The following PCDH15 variants were observed in gnomAD, a reference collection of about 807,000 sequenced individuals.
The protein encoded by PCDH15 is protocadherin-15.
PCDH15 carries 129 observed loss-of-function variants against 178.5 expected under a neutral mutation model. The observed-to-expected ratio is 0.72, with a 90% CI of 0.63 to 0.84. PCDH15 has a LOEUF of 0.84. Among genes scored for constraint, PCDH15 ranks in the 40% least tolerant of loss-of-function variants. The probability of loss-of-function intolerance (pLI) is 0.00; values close to 1 mark genes in which losing one functional copy is unlikely to be tolerated. For missense variants in PCDH15, 2,230 were observed against 2,099.9 expected (o/e 1.06, Z -1.21); for synonymous variants, 800 against 732.0 (o/e 1.09, Z -1.50).
intron 2 of PCDH15, among the ~76,000 whole-genome samples, chr10:55,614,811 T>C (rs1843441951): frequency 6.6e-6 from 1 of 152,132 alleles, no homozygotes; most frequent in Admixed American, 6.5e-5. Context: ...AGTATACCAG[T>C]CATTCATATA....
intron 1 of PCDH15, among the ~76,000 whole-genome samples, chr10:54,726,952 A>G (rs1265563368): frequency 2.6e-5 from 4 of 151,340 alleles, no homozygotes; most frequent in Admixed American, 6.6e-5. Flanking sequence ...CTCTGAAAGA[A>G]AGAGAGAGAT....
intron 29 of PCDH15, among the ~76,000 whole-genome samples, chr10:53,837,160 T>G (rs1009133993): frequency 2.6e-5 from 4 of 151,666 alleles, no homozygotes; most frequent in African/African-American, 7.3e-5. Flanking sequence ...CAAATTGTAA[T>G]TGGAATCCCA....
chr10:54,019,877 G>A (rs2092859507), intron 20 of PCDH15, among the ~76,000 whole-genome samples: 1 of 151,998 alleles, frequency 6.6e-6, no homozygotes, highest in Non-Finnish European at 1.5e-5. Context: ...TATGCCTGAT[G>A]CTGTGGAATT....
rs770332994 is a variant in PCDH15, at chr10:54,066,781, G to A, written c.2196C>T (p.Ala732=). The change falls in exon 18 of 38, where the codon GCC becomes GCT. Residue 732 remains alanine, a synonymous_variant. Transcript: ENST00000644397. The part of the protein sequence containing the change: ...PRNLSVVEEE[A]NAFVGQVKAT... ...CTTTTACTTGACCCACAAAGGCATT[G>A]GCTTCTTCTTCCACCACAGATAAAT... is the stretch of plus-strand genomic sequence containing the variant. 2.5e-6 allele frequency: 4 copies of A among 1,613,308 alleles called. 1 individual carries two copies. The highest frequency in any genetic ancestry group is 4.5e-5 in the East Asian group (2 of 44,764).
chr10:53,865,726 C>T (rs1173920250), intron 27 of PCDH15, among the ~76,000 whole-genome samples: 1 of 116,822 alleles, frequency 8.6e-6, no homozygotes, highest in Non-Finnish European at 1.7e-5. Flanking sequence ...GATTGTTCTT[C>T]ACCATTATCT....
intron 3 of PCDH15, among the ~76,000 whole-genome samples, chr10:54,422,351 T>A (rs939064636): frequency 2.0e-5 from 3 of 152,098 alleles, no homozygotes; most frequent in Non-Finnish European, 2.9e-5. Context: ...TATTTTGTAG[T>A]ATAGTGAGGA....
chr10:55,109,522 T>C (rs1005374928), intron 2 of PCDH15, among the ~76,000 whole-genome samples: 2 of 152,166 alleles, frequency 1.3e-5, no homozygotes, highest in African/African-American at 4.8e-5. Flanking sequence ...GAAATCAGTA[T>C]TAAATGTTTT....
At chr10:54,078,753 A>C (rs1307384223) in intron 17 of PCDH15, among the ~76,000 whole-genome samples, 1 of 86,850 alleles carries the variant, frequency 1.2e-5, no homozygotes, top group Non-Finnish European at 2.8e-5. Flanking sequence ...AATGTCTAAC[A>C]ATTTTTTTTT....
intron 1 of PCDH15, among the ~76,000 whole-genome samples, chr10:54,792,372 C>T (rs1951500775): frequency 6.6e-6 from 1 of 152,060 alleles, no homozygotes; most frequent in African/African-American, 2.4e-5. Context: ...CCACTAAATT[C>T]ATCTACTCAA....
At chr10:53,910,969 G>A (rs2083046994) in intron 25 of PCDH15, among the ~76,000 whole-genome samples, 1 of 152,134 alleles carries the variant, frequency 6.6e-6, no homozygotes, top group Non-Finnish European at 1.5e-5. Flanking sequence ...GAGAAAAAAA[G>A]AGTAAAAAGA....
intron 14 of PCDH15, among the ~76,000 whole-genome samples, chr10:54,145,447 T>A (rs1236436275): frequency 1.3e-5 from 2 of 152,136 alleles, no homozygotes; most frequent in East Asian, 3.9e-4. Context: ...ACCAATATTG[T>A]GCTAGAAAAG....
chr10:54,413,993 C>T (rs1953949297), intron 3 of PCDH15, among the ~76,000 whole-genome samples: 1 of 152,066 alleles, frequency 6.6e-6, no homozygotes, highest in South Asian at 2.1e-4. Context: ...AAATAGTGTA[C>T]GTTGTACCCA....
chr10:54,925,171 T>C (rs1227783999), intron 2 of PCDH15, among the ~76,000 whole-genome samples: 2 of 152,128 alleles, frequency 1.3e-5, no homozygotes, highest in African/African-American at 4.8e-5. Context: ...TGGCTAGCCA[T>C]TTATCACAGC....
At chr10:54,394,978 G>A (rs1418902647) in intron 3 of PCDH15, among the ~76,000 whole-genome samples, 8 of 152,050 alleles carry the variant, frequency 5.3e-5, no homozygotes, top group Non-Finnish European at 7.4e-5. Flanking sequence ...CTTATTCCCC[G>A]AACAATTGCT....
chr10:54,858,429 C>A (rs1953780047), intron 3 of PCDH15, among the ~76,000 whole-genome samples: 1 of 152,110 alleles, frequency 6.6e-6, no homozygotes, highest in Non-Finnish European at 1.5e-5. Flanking sequence ...CATTATCTGT[C>A]CCTTCATATA....
chr10:54,346,538 A>C (rs1319887150), intron 5 of PCDH15, 54 bp from the exon 6 acceptor site: 16 of 1,601,290 alleles, frequency 1.0e-5, no homozygotes, highest in Non-Finnish European at 1.4e-5. Context: ...ACTGCACACC[A>C]GAAATGTTAC....
intron 13 of PCDH15, among the ~76,000 whole-genome samples, chr10:54,174,742 G>A (rs1366709841): frequency 6.7e-5 from 7 of 104,940 alleles, no homozygotes; most frequent in African/African-American, 2.2e-4. Context: ...GTCTCGTTCC[G>A]TCACCCAGCC....
rs148682198 is a variant in PCDH15 at position 54,260,715 on chromosome 10, G to GA, written c.877-23785dup. 1.5e-3 allele frequency among the ~76,000 whole-genome samples: 230 copies of GA among 152,168 alleles called. 1 individual carries two copies. Among genetic ancestry groups the GA allele is most frequent in the African/African-American group, 5.1e-3 (212 of 41,524 alleles). On this transcript the variant is annotated intron_variant, in intron 8 of 37. Coordinates refer to ENST00000644397, the MANE Select transcript of PCDH15 (RefSeq NM_001384140.1). Reference sequence around the variant, plus strand: ...CCGGCCTCAGCCTCCCAAGTAGCTGGAACTACTACTACTACTACAGGCATG... The same window carrying GA: ...CCGGCCTCAGCCTCCCAAGTAGCTGGAAACTACTACTACTACTACAGGCATG...
intron 2 of PCDH15, among the ~76,000 whole-genome samples, chr10:54,536,586 C>T (rs2084552689): frequency 6.6e-6 from 1 of 152,120 alleles, no homozygotes; most frequent in East Asian, 1.9e-4. Context: ...TGATTGATTC[C>T]ATCATCAGGT....
Sources: allele counts gnomAD v4.1 joint callset (sites outside exome capture counted in the v4.1 genomes callset), GRCh38; gene constraint gnomAD v4.1.1; transcripts MANE v1.5; gene names NCBI Gene and HGNC (gene_info 2026-07-23, HGNC 2026-07-21).